Variants in SPTLC1 observed in about 807,000 individuals in gnomAD.
SPTLC1 encodes serine palmitoyltransferase long chain base subunit 1.
SPTLC1 carries 55 observed loss-of-function variants against 68.9 expected under a neutral mutation model. The observed-to-expected ratio is 0.80, with a 90% CI of 0.64 to 1.00. The LOEUF (loss-of-function observed/expected upper bound fraction) is 1.00. Among genes scored for constraint, SPTLC1 ranks in the 50% least tolerant of loss-of-function variants. The pLI is 0.00. For synonymous variants in SPTLC1, 197 were observed against 201.6 expected, an observed-to-expected ratio of 0.98 and a Z score of 0.19; for missense variants, 449 against 573.1, an observed-to-expected ratio of 0.78 and a Z score of 2.21.
chr9:92,082,665 G>T (rs1341960948), intron 3 of SPTLC1, among the ~76,000 whole-genome samples: 1 of 152,030 alleles, frequency 6.6e-6, no homozygotes, highest in African/African-American at 2.4e-5. Flanking sequence ...TTGGTTCCAA[G>T]TCTTTGCTAT....
intron 8 of SPTLC1, chr9:92,050,867 C>T (rs895328491): frequency 8.8e-6 from 2 of 228,100 alleles, no homozygotes; most frequent in Non-Finnish European, 1.3e-5. Context: ...GGCTAGAGTG[C>T]AGTGGTAGGA....
chr9:92,106,033 T>G (rs1835966501), intron 3 of SPTLC1, among the ~76,000 whole-genome samples: 2 of 144,798 alleles, frequency 1.4e-5, no homozygotes, highest in African/African-American at 2.6e-5. Context: ...GGAGCACCTC[T>G]GCCCGGCCCC....
At chr9:92,075,606 C>T (rs568819857) in intron 5 of SPTLC1, among the ~76,000 whole-genome samples, 1 of 152,316 alleles carries the variant, frequency 6.6e-6, no homozygotes, top group East Asian at 1.9e-4. Context: ...CAGTCCTGGG[C>T]TGGCCGTCAT....
intron 14 of SPTLC1, 89 bp downstream of exon 14, chr9:92,034,721 T>C (rs7853177): frequency 3.9e-5 from 39 of 999,572 alleles, no homozygotes; most frequent in Middle Eastern, 2.1e-4. Context: ...TAGCCTATGA[T>C]AGTCTTTCAA....
intron 6 of SPTLC1, among the ~76,000 whole-genome samples, chr9:92,060,194 T>C (rs1206509861): frequency 6.6e-6 from 1 of 152,194 alleles, no homozygotes; most frequent in Non-Finnish European, 1.5e-5. Context: ...CCCCTTCCCC[T>C]GTTGGAATCA....
rs185969312 is a variant in SPTLC1, at chr9:92,113,048, G to A, written c.58-486C>T. On this transcript the variant is annotated intron_variant, in intron 1 of 14. Transcript: ENST00000262554. ...CTTGAACCCAGGAGGTGGAGGTTGT[G>A]GTGAGCCGAGATCACACCACTGCAC... Among the ~76,000 whole-genome samples the A allele has an allele frequency of 3.4e-4, 52 of 151,952 alleles. No homozygotes were observed. In the East Asian group the frequency reaches 9.5e-3, roughly 28 times the overall value.
At chr9:92,104,916 T>C (rs935270511) in intron 3 of SPTLC1, 1 of 1,534,034 alleles carries the variant, frequency 6.5e-7, no homozygotes, top group African/African-American at 1.4e-5. Context: ...GGCCATGGAG[T>C]CGCCAGTTCA....
chr9:92,106,050 G>A lies in SPTLC1; in HGVS notation c.260+2690C>T, dbSNP rs533903241. On this transcript the variant is annotated intron_variant, in intron 3 of 14. Transcript: ENST00000262554. ...AGCACCTCTGCCCGGCCCCCTCACC[G>A]TTTGTAAGGGAGGAGCGCCTCTGCC... 4.5e-5 allele frequency among the ~76,000 whole-genome samples: 6 copies of A among 132,118 alleles called. No individual in the cohort carries two copies. In the East Asian group the frequency reaches 7.3e-4, roughly 16 times the overall value. 86.7% of individuals were successfully genotyped at this position (132,118 alleles called of 152,430 possible).
chr9:92,038,453 T>C, intron 12 of SPTLC1, 88 bp from the exon 13 acceptor site: 1 of 879,580 alleles, frequency 1.1e-6, no homozygotes, highest in Non-Finnish European at 2.0e-6. Flanking sequence ...GTCCACAATG[T>C]CAAGGCACAG....
At position 92,067,965 on chromosome 9, in the gene SPTLC1, C is replaced by T; in HGVS notation, c.560+1G>A. 1 of 1,613,126 alleles carries T rather than the reference C, an allele frequency of 6.2e-7. No homozygotes were observed. The highest frequency in any genetic ancestry group is 8.5e-7 in the Non-Finnish European group (1 of 1,179,938). ...TAGAAAACTACGTAAAGTTTACTTA[C>T]ACAAAAACAATGTCCCCTCTTTTAG... On this transcript the variant is annotated splice_donor_variant, in intron 6 of 14. Coordinates refer to ENST00000262554, the MANE Select transcript of SPTLC1 (RefSeq NM_006415.4). LOFTEE classifies it high-confidence loss of function.
chr9:92,044,290 T>A lies in SPTLC1; in HGVS notation c.1136+1709A>T, dbSNP rs150376371. Among the ~76,000 whole-genome samples, 388 of 152,294 alleles carry A rather than the reference T, an allele frequency of 2.5e-3. 2 individuals are homozygous for A. The highest frequency in any genetic ancestry group is 8.8e-3 in the African/African-American group (367 of 41,558). On this transcript the variant is annotated intron_variant, in intron 12 of 14. Transcript: ENST00000262554. ...AAGAGCAAGGTGTTGAAAGAAAGCC[T>A]TCAGAGGAGACCGAGATGGAGCCAT...
intron 3 of SPTLC1, among the ~76,000 whole-genome samples, chr9:92,093,343 CAA>C (rs1170589628): frequency 2.0e-5 from 3 of 152,196 alleles, no homozygotes; most frequent in African/African-American, 7.2e-5. Context: ...AACTGGGAAA[CAA>C]GAGAGCCATT....
rs559452942 is a variant in SPTLC1, at chr9:92,113,937, T to G, written c.58-1375A>C. On this transcript the variant is annotated intron_variant, in intron 1 of 14. Coordinates refer to ENST00000262554, the MANE Select transcript of SPTLC1 (RefSeq NM_006415.4). ...GCATCTAGATCTGTGTGGTCCAATG[T>G]GGACAGTCACTAAGTTACACGTGGC... Among the ~76,000 whole-genome samples the G allele has an allele frequency of 2.0e-5, 3 of 152,340 alleles. No homozygotes were observed. The East Asian group carries it at 5.8e-4, about 29-fold the overall frequency.
At chr9:92,075,779 C>T (rs1402849734) in intron 5 of SPTLC1, among the ~76,000 whole-genome samples, 2 of 152,160 alleles carry the variant, frequency 1.3e-5, no homozygotes, top group African/African-American at 2.4e-5. Flanking sequence ...GCTCTATTCA[C>T]TCTTTATTGA....
At chr9:92,099,920 G>A (rs761367705) in intron 3 of SPTLC1, among the ~76,000 whole-genome samples, 2 of 152,120 alleles carry the variant, frequency 1.3e-5, no homozygotes, top group Non-Finnish European at 2.9e-5. Flanking sequence ...TAGTCTAGGT[G>A]CGTACCAGGT....
intron 8 of SPTLC1, among the ~76,000 whole-genome samples, chr9:92,054,915 G>GA (rs1491302220): frequency 7.4e-5 from 11 of 148,582 alleles, no homozygotes; most frequent in South Asian, 4.2e-4. Flanking sequence ...TCTTGCGGGG[G>GA]AGAAAAAAAA....
chr9:92,115,219 G>C, intron 1 of SPTLC1, 95 bp downstream of exon 1: 2 of 1,257,264 alleles, frequency 1.6e-6, no homozygotes, highest in Non-Finnish European at 2.3e-6. Flanking sequence ...GACCGAGCCA[G>C]TCCCGCCGAG....
At chr9:92,103,797 C>T (rs1835848414) in intron 3 of SPTLC1, among the ~76,000 whole-genome samples, 1 of 152,226 alleles carries the variant, frequency 6.6e-6, no homozygotes, top group Non-Finnish European at 1.5e-5. Flanking sequence ...CAGGTTCTGG[C>T]CCTGTAACCC....
chr9:92,066,211 G>A (rs1436818740), intron 6 of SPTLC1, among the ~76,000 whole-genome samples: 2 of 152,190 alleles, frequency 1.3e-5, no homozygotes, highest in Non-Finnish European at 2.9e-5. Context: ...AAGCAAATGA[G>A]CAGAGCAGGG....
Sources: allele counts gnomAD v4.1 joint callset (sites outside exome capture counted in the v4.1 genomes callset), GRCh38; gene constraint gnomAD v4.1.1; transcripts MANE v1.5; gene names NCBI Gene and HGNC (gene_info 2026-07-23, HGNC 2026-07-21).